Variants in ARLN observed in about 807,000 individuals in gnomAD.
The protein encoded by ARLN is allregulin, also known as sarcoplasmic/endoplasmic reticulum calcium ATPase regulator ARLN.
chr4:119,304,281 T>A, the ARLN span: 1 of 1,536,914 alleles, frequency 6.5e-7, no homozygotes, highest in African/African-American at 1.4e-5. Context: ...TGTCTCCACC[T>A]TCTATGTCAT....
At chr4:119,300,200 C>T in the ARLN span, 2 of 720,176 alleles carry the variant, frequency 2.8e-6, no homozygotes, top group Non-Finnish European at 4.8e-6. Context: ...CCCCCACCCA[C>T]CCGACTGCGC....
the ARLN span, chr4:119,300,694 C>T: frequency 1.3e-6 from 2 of 1,532,330 alleles, no homozygotes; most frequent in Non-Finnish European, 1.8e-6. Context: ...CTTCCCAGCG[C>T]GCAGGCGCCT....
At chr4:119,304,180 A>T in the ARLN span, 1 of 1,242,146 alleles carries the variant, frequency 8.1e-7, no homozygotes, top group Non-Finnish European at 1.1e-6. Context: ...TTAAGTGCCA[A>T]CTTCATAAAA....
chr4:119,298,607 C>G, the ARLN span: 1 of 481,478 alleles, frequency 2.1e-6, no homozygotes, highest in African/African-American at 2.0e-5. Flanking sequence ...GAAATCCTAC[C>G]CAATTAATAG....
At chr4:119,297,009 A>G in the ARLN span, 1 of 152,240 alleles carries the variant, frequency 6.6e-6, no homozygotes, top group Admixed American at 6.5e-5. Flanking sequence ...TCACCTCACA[A>G]TCACACCACC....
At chr4:119,300,833 TTGGA>T in the ARLN span, 4 of 1,434,560 alleles carry the variant, frequency 2.8e-6, no homozygotes, top group Non-Finnish European at 3.6e-6. Flanking sequence ...TCAGGTTTCG[TTGGA>T]AGAAATACGT....
the ARLN span, chr4:119,304,239 A>G: frequency 6.5e-7 from 1 of 1,528,172 alleles, no homozygotes; most frequent in South Asian, 1.2e-5. Flanking sequence ...GGTATTTCTA[A>G]CATACCAATT....
the ARLN span, among the ~76,000 whole-genome samples, chr4:119,303,275 C>G: frequency 4.1e-5 from 6 of 147,108 alleles, no homozygotes; most frequent in African/African-American, 1.5e-4. Flanking sequence ...GCTCTGTCGC[C>G]CAGGCTGGAG....
At chr4:119,300,553 G>C in the ARLN span, 10 of 1,613,948 alleles carry the variant, frequency 6.2e-6, no homozygotes, top group South Asian at 1.1e-5. Context: ...CTGCAGCTTC[G>C]TAACAACCCT....
At chr4:119,304,379 A>G in the ARLN span, 1 of 1,536,892 alleles carries the variant, frequency 6.5e-7, no homozygotes, top group Non-Finnish European at 8.7e-7. Context: ...TTCCTTTGGC[A>G]CCTATTATTT....
the ARLN span, chr4:119,297,665 A>G: frequency 6.6e-6 from 1 of 152,510 alleles, no homozygotes; most frequent in African/African-American, 2.4e-5. Context: ...CAGGTTGGCC[A>G]GGCTGGTGTC....
chr4:119,304,267 A>T, the ARLN span: 1 of 1,536,270 alleles, frequency 6.5e-7, no homozygotes, highest in Middle Eastern at 1.7e-4. Context: ...CTTCACATTT[A>T]ACTTGTCTCC....
At chr4:119,301,296 C>G in the ARLN span, among the ~76,000 whole-genome samples, 1,884 of 149,726 alleles carry the variant, frequency 0.013, 45 homozygotes, top group African/African-American at 0.044. Context: ...TGGTGGCAGG[C>G]GCCTGTAATC....
At chr4:119,301,355 C>T in the ARLN span, among the ~76,000 whole-genome samples, 1 of 151,258 alleles carries the variant, frequency 6.6e-6, no homozygotes, top group African/African-American at 2.4e-5. Context: ...ACCCGGGAGG[C>T]GGAGGTTGCA....
the ARLN span, among the ~76,000 whole-genome samples, chr4:119,299,172 G>T: frequency 6.6e-6 from 1 of 151,916 alleles, no homozygotes; most frequent in Non-Finnish European, 1.5e-5. Context: ...CTGAAGCCTC[G>T]ACCTCCCCAG....
the ARLN span, chr4:119,297,366 GAC>G: frequency 1.3e-5 from 2 of 152,244 alleles, no homozygotes; most frequent in Non-Finnish European, 2.9e-5. Flanking sequence ...AAATATTTAA[GAC>G]AATTCATATA....
the ARLN span, among the ~76,000 whole-genome samples, chr4:119,300,040 C>T: frequency 8.6e-3 from 1,304 of 152,108 alleles, 18 homozygotes; most frequent in African/African-American, 0.03. Context: ...GGCGAAATAA[C>T]TTCTCCGGTC....
At chr4:119,298,992 G>A in the ARLN span, among the ~76,000 whole-genome samples, 2 of 152,138 alleles carry the variant, frequency 1.3e-5, no homozygotes, top group African/African-American at 2.4e-5. Context: ...AAAACAGGGA[G>A]GGAGAGTAAA....
At chr4:119,300,702 C>G in the ARLN span, 4 of 1,529,286 alleles carry the variant, frequency 2.6e-6, no homozygotes, top group East Asian at 7.4e-5. Context: ...CGCGCAGGCG[C>G]CTGGCTCGGC....
Sources: gnomAD v4.1 joint callset for allele counts (sites outside exome capture counted in the v4.1 genomes callset) on GRCh38, gnomAD v4.1.1 for gene constraint, MANE v1.5 for transcripts, NCBI Gene and HGNC (gene_info 2026-07-23, HGNC 2026-07-21) for gene names.